The following ECM2 variants were observed in gnomAD, a reference collection of about 807,000 sequenced individuals.
ECM2 encodes extracellular matrix protein 2.
In ECM2, 57 loss-of-function variants were observed where a neutral mutation model predicts 67.5. The observed-to-expected ratio is 0.84, with a 90% CI of 0.68 to 1.05. The LOEUF (loss-of-function observed/expected upper bound fraction) is 1.05. ECM2 is among the 50% of genes least tolerant of loss of function. The pLI is 0.00. For missense variants in ECM2, 741 were observed against 822.8 expected, an observed-to-expected ratio of 0.90 and a Z score of 1.22; for synonymous variants, 258 against 294.5, an observed-to-expected ratio of 0.88 and a Z score of 1.27.
chr9:92,527,546 G>A (rs1026308044), intron 1 of ECM2, among the ~76,000 whole-genome samples: 2 of 152,164 alleles, frequency 1.3e-5, no homozygotes, highest in African/African-American at 4.8e-5. Context: ...ACATATGACT[G>A]TAATTTGTTG....
intron 5 of ECM2, among the ~76,000 whole-genome samples, chr9:92,510,533 A>G (rs1847270996): frequency 6.6e-6 from 1 of 152,248 alleles, no homozygotes; most frequent in Non-Finnish European, 1.5e-5. Context: ...TTTCAAAACC[A>G]AGGACTACAG....
intron 3 of ECM2, among the ~76,000 whole-genome samples, chr9:92,516,070 T>G (rs183515788): frequency 7.1e-6 from 1 of 141,724 alleles, no homozygotes; most frequent in African/African-American, 2.6e-5. Context: ...CATACTTTTT[T>G]TTCCCCCCCC....
chr9:92,522,906 A>G lies in ECM2; in HGVS notation c.-27-13T>C. ...CACCAGCCAATTTCTAGAATGAAAC[A>G]ATATTTCAAAGTTAGTGGTGACTAA... is the stretch of plus-strand genomic sequence containing the variant. On this transcript the variant is annotated splice_polypyrimidine_tract_variant and intron_variant, in intron 1 of 9. Coordinates refer to ENST00000344604, the MANE Select transcript of ECM2 (RefSeq NM_001393.4). The G allele has an allele frequency of 1.3e-6, 2 of 1,554,304 alleles. No homozygotes were observed. Among genetic ancestry groups the G allele is most frequent in the Non-Finnish European group, 1.7e-6 (2 of 1,158,622 alleles).
the ECM2 span, among the ~76,000 whole-genome samples, chr9:92,542,737 G>C: frequency 3.3e-5 from 5 of 152,176 alleles, no homozygotes; most frequent in African/African-American, 1.2e-4. Context: ...GGATTGTCTT[G>C]ATCTGACCTC....
intron 1 of ECM2, among the ~76,000 whole-genome samples, chr9:92,532,066 G>A (rs1588243751): frequency 1.0e-5 from 1 of 96,450 alleles, no homozygotes; most frequent in Non-Finnish European, 1.9e-5. Context: ...TCACTATGTT[G>A]CCTGGGCTGG....
intron 8 of ECM2, 42 bp from the exon 9 acceptor site, chr9:92,501,095 T>C (rs1846645460): frequency 3.2e-6 from 5 of 1,580,562 alleles, no homozygotes; most frequent in Non-Finnish European, 4.3e-6. Context: ...GACATCAGGA[T>C]GGTGATCATC....
the ECM2 span, among the ~76,000 whole-genome samples, chr9:92,544,808 C>T: frequency 6.7e-6 from 1 of 150,348 alleles, no homozygotes. Context: ...CTCCGCCTCT[C>T]GGGTTCAAGC....
the ECM2 span, among the ~76,000 whole-genome samples, chr9:92,551,917 G>C: frequency 1.2e-4 from 5 of 40,346 alleles, no homozygotes; most frequent in African/African-American, 4.3e-4. Flanking sequence ...TATATATATG[G>C]TGTGTGTGTA....
intron 2 of ECM2, among the ~76,000 whole-genome samples, chr9:92,521,311 C>T (rs1172633586): frequency 6.6e-6 from 1 of 152,082 alleles, no homozygotes. Context: ...TATAGCTTAG[C>T]CATCTTTCCA....
At chr9:92,524,164 T>G (rs963575945) in intron 1 of ECM2, among the ~76,000 whole-genome samples, 9 of 152,226 alleles carry the variant, frequency 5.9e-5, no homozygotes, top group Admixed American at 5.9e-4. Flanking sequence ...TTCTGTTTTG[T>G]GCTTTTATTC....
intron 2 of ECM2, among the ~76,000 whole-genome samples, chr9:92,519,120 C>G (rs552284527): frequency 6.6e-6 from 1 of 152,148 alleles, no homozygotes; most frequent in Non-Finnish European, 1.5e-5. Flanking sequence ...ACATTAGTCC[C>G]CTCCTTTCCC....
chr9:92,516,125 A>G (rs547939581), intron 3 of ECM2, among the ~76,000 whole-genome samples: 35 of 149,896 alleles, frequency 2.3e-4, no homozygotes, highest in South Asian at 1.7e-3. Flanking sequence ...ATGCAGTGGC[A>G]TGATCTCGGC....
chr9:92,519,581 A>G (rs1021749371), intron 2 of ECM2, among the ~76,000 whole-genome samples: 18 of 152,234 alleles, frequency 1.2e-4, no homozygotes, highest in Admixed American at 1.1e-3. Flanking sequence ...TTCAACAACT[A>G]GTGCTGGGAC....
At chr9:92,494,566 T>C (rs1846265404), downstream of ECM2, among the ~76,000 whole-genome samples, 1 of 152,226 alleles carries the variant, frequency 6.6e-6, no homozygotes, top group South Asian at 2.1e-4. Context: ...GTTCATGTTA[T>C]AATCTCTGAA....
chr9:92,505,191 G>A (rs1215942605), intron 7 of ECM2, among the ~76,000 whole-genome samples: 3 of 152,150 alleles, frequency 2.0e-5, no homozygotes, highest in South Asian at 2.1e-4. Context: ...TGTGATAAGC[G>A]TCACATTTCT....
At position 92,495,641 on chromosome 9, in the gene ECM2, CAA is replaced by C; in HGVS notation, c.*672_*673del. The C allele has an allele frequency of 1.1e-6, 1 of 929,390 alleles. No homozygotes were observed. Among genetic ancestry groups the C allele is most frequent in the Non-Finnish European group, 1.3e-6 (1 of 779,042 alleles). 57.6% of individuals were successfully genotyped at this position (929,390 alleles called of 1,614,324 possible). A position where few individuals can be genotyped will look rare whatever the true frequency, so the allele number is the denominator to read the frequency against. On this transcript the variant is annotated 3_prime_UTR_variant, in exon 10 of 10. Coordinates refer to ENST00000344604, the MANE Select transcript of ECM2 (RefSeq NM_001393.4). ...TAATTTTAGAATTATAGAAAAGTTTCAAAAAGAGTATAGAATTTATGCACACC... is the reference window on the plus strand; with the variant it reads ...TAATTTTAGAATTATAGAAAAGTTTCAAAGAGTATAGAATTTATGCACACC...
intron 4 of ECM2, among the ~76,000 whole-genome samples, chr9:92,513,132 T>C (rs1395850889): frequency 6.6e-6 from 1 of 152,160 alleles, no homozygotes. Context: ...CCCAGACGAA[T>C]GCTCCTGCTG....
chr9:92,539,563 G>A (rs890299278), upstream of ECM2, among the ~76,000 whole-genome samples: 3 of 151,936 alleles, frequency 2.0e-5, no homozygotes, highest in African/African-American at 4.8e-5. Flanking sequence ...ACTTACTAAG[G>A]GCTTTGAAGG....
At chr9:92,546,486 A>G in the ECM2 span, among the ~76,000 whole-genome samples, 1 of 152,146 alleles carries the variant, frequency 6.6e-6, no homozygotes, top group East Asian at 1.9e-4. Context: ...CCACGAACCC[A>G]CTGGGAGAAA....
Sources: gnomAD v4.1 joint callset for allele counts (sites outside exome capture counted in the v4.1 genomes callset) on GRCh38, gnomAD v4.1.1 for gene constraint, MANE v1.5 for transcripts, NCBI Gene and HGNC (gene_info 2026-07-23, HGNC 2026-07-21) for gene names.